CDH2: variants seen among roughly 807,000 people sequenced by gnomAD.
CDH2 encodes the protein cadherin 2.
In CDH2, 17 loss-of-function variants were observed where a neutral mutation model predicts 92.0. The observed-to-expected ratio is 0.18, with a 90% CI of 0.13 to 0.28. The LOEUF (loss-of-function observed/expected upper bound fraction) is 0.28, where lower values mean the gene tolerates loss of function less well. Ranked by LOEUF, CDH2 falls within the 10% of genes least tolerant of loss-of-function variation. The probability of loss-of-function intolerance (pLI) is 1.00; values close to 1 mark genes in which losing one functional copy is unlikely to be tolerated. For synonymous variants in CDH2, 419 were observed against 415.9 expected, an observed-to-expected ratio of 1.01 and a Z score of -0.09; for missense variants, 862 against 1,133.1, an observed-to-expected ratio of 0.76 and a Z score of 3.44.
intron 2 of CDH2, among the ~76,000 whole-genome samples, chr18:28,058,857 A>T (rs1481810508): frequency 6.6e-6 from 1 of 152,230 alleles, no homozygotes; most frequent in Admixed American, 6.5e-5. Context: ...TTGGCTAAGT[A>T]GGAGTCTGTG....
intron 5 of CDH2, among the ~76,000 whole-genome samples, chr18:28,008,389 A>G (rs1295958450): frequency 2.0e-5 from 3 of 152,192 alleles, no homozygotes; most frequent in Admixed American, 1.3e-4. Flanking sequence ...ATGATGAAGA[A>G]ATCAAGGTCT....
chr18:28,162,892 G>A (rs2144356461), intron 1 of CDH2, among the ~76,000 whole-genome samples: 1 of 152,276 alleles, frequency 6.6e-6, no homozygotes, highest in East Asian at 1.9e-4. Context: ...ATATGAAAAT[G>A]CAGGTCAAGT....
chr18:27,993,576 C>T lies in CDH2; in HGVS notation c.1082G>A (p.Gly361Asp). 6.2e-7 allele frequency: 1 copy of T among 1,613,844 alleles called. No homozygotes were observed. The highest frequency in any genetic ancestry group is 8.5e-7 in the Non-Finnish European group (1 of 1,179,766). The change falls in exon 8 of 16, where the codon GGC becomes GAC. Residue 361 changes from glycine to aspartate, a missense_variant. By Grantham distance (94) the Gly-to-Asp change is moderately conservative (BLOSUM62 -1). Coordinates refer to ENST00000269141, the MANE Select transcript of CDH2 (RefSeq NM_001792.5). ...GACGGCCGTGGCTGTGTTTGAAAGG[C>T]CATATGTGGGATTGCCTTCCATGTC... ...ATDMEGNPTYGLSNTATAVIT... is the reference protein window; with the variant it reads ...ATDMEGNPTYDLSNTATAVIT...
chr18:28,088,135 G>A (rs983677252), intron 2 of CDH2, among the ~76,000 whole-genome samples: 2 of 152,188 alleles, frequency 1.3e-5, no homozygotes, highest in Non-Finnish European at 2.9e-5. Flanking sequence ...TAATGGGTGA[G>A]AAGCAACTAA....
At chr18:27,948,142 G>C (rs1909322752), downstream of CDH2, among the ~76,000 whole-genome samples, 1 of 150,076 alleles carries the variant, frequency 6.7e-6, no homozygotes, top group South Asian at 2.1e-4. Context: ...ATATAACTTT[G>C]ATATAAGTGT....
intron 2 of CDH2, among the ~76,000 whole-genome samples, chr18:28,062,197 T>C (rs955272796): frequency 2.0e-5 from 3 of 152,230 alleles, no homozygotes; most frequent in Admixed American, 2.0e-4. Context: ...TTGAGGTATT[T>C]AATATTTTTC....
At chr18:28,010,723 G>GC (rs1467845610) in intron 4 of CDH2, among the ~76,000 whole-genome samples, 1 of 151,532 alleles carries the variant, frequency 6.6e-6, no homozygotes, top group African/African-American at 2.4e-5. Flanking sequence ...AGGCTGGAGT[G>GC]CAGTAGCATG....
intron 14 of CDH2, among the ~76,000 whole-genome samples, chr18:27,964,941 A>G (rs988974792): frequency 1.1e-4 from 17 of 152,292 alleles, no homozygotes; most frequent in African/African-American, 4.1e-4. Flanking sequence ...CAGGAATGTG[A>G]GGAATGCTTA....
chr18:28,070,650 G>A (rs2014598545), intron 2 of CDH2, among the ~76,000 whole-genome samples: 1 of 152,206 alleles, frequency 6.6e-6, no homozygotes, highest in African/African-American at 2.4e-5. Context: ...AATACCTGCT[G>A]TGAGTTGGGC....
At chr18:28,164,438 T>A (rs1221347505) in intron 1 of CDH2, among the ~76,000 whole-genome samples, 2 of 152,196 alleles carry the variant, frequency 1.3e-5, no homozygotes, top group African/African-American at 4.8e-5. Flanking sequence ...AATAGAAAGA[T>A]GCTAAGTTAA....
At chr18:28,085,049 C>A (rs1056853656) in intron 2 of CDH2, among the ~76,000 whole-genome samples, 5 of 152,160 alleles carry the variant, frequency 3.3e-5, no homozygotes, top group Admixed American at 2.0e-4. Flanking sequence ...TAGACAGCCA[C>A]ACCCATCCCT....
chr18:28,092,159 C>T (rs556922317), intron 2 of CDH2, among the ~76,000 whole-genome samples: 47 of 152,124 alleles, frequency 3.1e-4, no homozygotes, highest in African/African-American at 1.1e-3. Context: ...AACACACCTA[C>T]GAACCAAAAA....
chr18:28,157,360 T>C (rs771071363), intron 1 of CDH2, among the ~76,000 whole-genome samples: 3 of 152,200 alleles, frequency 2.0e-5, no homozygotes, highest in Non-Finnish European at 4.4e-5. Flanking sequence ...ATTTACTGAG[T>C]GCTTAATATG....
intron 2 of CDH2, among the ~76,000 whole-genome samples, chr18:28,027,224 C>T (rs1368531000): frequency 6.6e-6 from 1 of 151,940 alleles, no homozygotes; most frequent in African/African-American, 2.4e-5. Context: ...AAGGCCTCAG[C>T]TTGAGTGACC....
At chr18:28,064,328 C>A (rs1047860392) in intron 2 of CDH2, among the ~76,000 whole-genome samples, 2 of 151,996 alleles carry the variant, frequency 1.3e-5, no homozygotes, top group Non-Finnish European at 2.9e-5. Context: ...AGGCTAGATG[C>A]CCAGGCAGTC....
rs1196731334 is a variant in CDH2, at chr18:27,990,161, C to T, written c.1534G>A (p.Ala512Thr). 2 of 1,613,928 alleles carry T rather than the reference C, an allele frequency of 1.2e-6. No homozygotes were observed. Among genetic ancestry groups the T allele is most frequent in the Admixed American group, 1.7e-5 (1 of 60,002 alleles). ...GTGAATGTTGTCAACATGGTACCGG[C>T]ATGAAGCCCTTCTTCTTGGCGAATG... ...KIIRQEEGLH[A>T]GTMLTTFTAQ... The change falls in exon 10 of 16, where the codon GCC becomes ACC. Residue 512 changes from alanine to threonine, a missense_variant. Ala to Thr is a moderately conservative substitution (Grantham distance 58). This residue lies in a region of CDH2 where 564 missense variants were observed against 722.2 expected (regional missense o/e 0.78). Transcript: ENST00000269141.
At chr18:28,122,447 C>T (rs189450362) in intron 2 of CDH2, among the ~76,000 whole-genome samples, 14 of 152,128 alleles carry the variant, frequency 9.2e-5, no homozygotes, top group African/African-American at 1.9e-4. Flanking sequence ...TTGTAATCTT[C>T]GGTATTTCAA....
intron 2 of CDH2, among the ~76,000 whole-genome samples, chr18:28,092,001 G>A (rs2015046219): frequency 6.6e-6 from 1 of 151,724 alleles, no homozygotes; most frequent in Non-Finnish European, 1.5e-5. Context: ...TCTTTACGTG[G>A]TCTTTCCTCT....
intron 2 of CDH2, among the ~76,000 whole-genome samples, chr18:28,018,897 A>T (rs1056186487): frequency 1.1e-4 from 17 of 149,560 alleles, no homozygotes; most frequent in African/African-American, 4.2e-4. Context: ...ATATATGTAC[A>T]TATATATGTG....
Sources: allele counts gnomAD v4.1 joint callset (sites outside exome capture counted in the v4.1 genomes callset), GRCh38; gene constraint gnomAD v4.1.1; regional missense constraint gnomAD v4.1.1; transcripts MANE v1.5; gene names NCBI Gene and HGNC (gene_info 2026-07-23, HGNC 2026-07-21).